Variants in TACC2 observed in about 807,000 individuals in gnomAD.
TACC2 encodes the protein transforming acidic coiled-coil containing protein 2.
TACC2 carries 137 observed loss-of-function variants against 227.3 expected under a neutral mutation model. The ratio of observed to expected loss-of-function variants is 0.60; its 90% CI spans 0.52 to 0.69. The LOEUF is 0.69. TACC2 is among the 30% of genes least tolerant of loss of function. TACC2 has a pLI of 0.00. For synonymous variants in TACC2, 1,523 were observed against 1,487.5 expected, an observed-to-expected ratio of 1.02 and a Z score of -0.55; for missense variants, 3,470 against 3,694.4, an observed-to-expected ratio of 0.94 and a Z score of 1.57.
intron 16 of TACC2, among the ~76,000 whole-genome samples, chr10:122,236,110 G>A (rs1442794725): frequency 3.9e-5 from 6 of 152,206 alleles, no homozygotes; most frequent in African/African-American, 1.2e-4. Flanking sequence ...CCCTTCTCGG[G>A]TTCATTTTCC....
chr10:122,042,692 G>C (rs76333529), intron 2 of TACC2, among the ~76,000 whole-genome samples: 2 of 152,158 alleles, frequency 1.3e-5, no homozygotes, highest in East Asian at 3.9e-4. Context: ...TTAACCTTCA[G>C]AACAACCCTG....
chr10:122,254,044 G>T lies in TACC2; in HGVS notation c.8835G>T (p.Met2945Ile). 6.2e-7 allele frequency: 1 copy of T among 1,614,138 alleles called. No homozygotes were observed. Among genetic ancestry groups the T allele is most frequent in the African/African-American group, 1.3e-5 (1 of 75,056 alleles). The change falls in exon 23 of 23, where the codon ATG becomes ATT. Residue 2945 changes from methionine (M) to isoleucine (I), a missense_variant. By Grantham distance (10) the Met-to-Ile change is conservative (BLOSUM62 1). Coordinates refer to ENST00000369005, the MANE Select transcript of TACC2 (RefSeq NM_206862.4). ...TKICDELIAK[M>I]GKS ...TTTGTGACGAACTGATTGCCAAAAT[G>T]GGGAAAAGCTAACTCTGAACCGAAT... is the stretch of plus-strand genomic sequence containing the variant.
At chr10:121,993,760 G>C (rs1259797404) in intron 1 of TACC2, among the ~76,000 whole-genome samples, 2 of 152,026 alleles carry the variant, frequency 1.3e-5, no homozygotes, top group Non-Finnish European at 2.9e-5. Flanking sequence ...CAAGTATGTG[G>C]GACTACAGGC....
At chr10:122,047,950 T>C (rs1426468536) in intron 2 of TACC2, among the ~76,000 whole-genome samples, 1 of 152,166 alleles carries the variant, frequency 6.6e-6, no homozygotes, top group Non-Finnish European at 1.5e-5. Context: ...ATGTTTTACC[T>C]TTGGACACAA....
Position 122,082,880 on chromosome 10 carries a change from C to G in TACC2, c.380C>G (p.Ala127Gly). The change falls in exon 4 of 23, where the codon GCG becomes GGG. Residue 127 changes from alanine (A) to glycine (G), a missense_variant. By Grantham distance (60) the Ala-to-Gly change is moderately conservative. Coordinates refer to ENST00000369005, the MANE Select transcript of TACC2 (RefSeq NM_206862.4). ...GAAGGTTGCTTGGCAAGTCCAGCAG[C>G]GGCACCTGAAGATGGTCCTCAGACT... is the stretch of plus-strand genomic sequence containing the variant. ...PPEGCLASPA[A>G]APEDGPQTQS... The G allele has an allele frequency of 6.2e-7, 1 of 1,613,356 alleles. No homozygotes were observed. Among genetic ancestry groups the G allele is most frequent in the South Asian group, 1.1e-5 (1 of 91,080 alleles).
chr10:122,209,008 G>A lies in TACC2; in HGVS notation c.5972-1389G>A, dbSNP rs1472518715. Among the ~76,000 whole-genome samples the A allele has an allele frequency of 6.6e-6, 1 of 152,208 alleles. No homozygotes were observed. Among genetic ancestry groups the A allele is most frequent in the East Asian group, 1.9e-4 (1 of 5,196 alleles). Reference sequence around the variant, plus strand: ...AGCCAAGCCAAAGCTGGGGCTGGCCGGATCCCCATGGGCAGTAGGGTGGTG... The same window carrying A: ...AGCCAAGCCAAAGCTGGGGCTGGCCAGATCCCCATGGGCAGTAGGGTGGTG... On this transcript the variant is annotated intron_variant, in intron 8 of 22. Coordinates refer to ENST00000369005, the MANE Select transcript of TACC2 (RefSeq NM_206862.4). The surrounding 1 kb of genome is among the most constrained non-coding windows in gnomAD (Gnocchi z 4.5).
rs186288597 is a variant in TACC2 at position 122,159,690 on chromosome 10, A to G, written c.5834+15984A>G. Among the ~76,000 whole-genome samples, 26 of 152,172 alleles carry G rather than the reference A, an allele frequency of 1.7e-4. No individual in the cohort carries two copies. The East Asian group carries it at 4.4e-3, about 26-fold the overall frequency. On this transcript the variant is annotated intron_variant, in intron 7 of 22. Coordinates refer to ENST00000369005, the MANE Select transcript of TACC2 (RefSeq NM_206862.4). ...GTCCAGCCTCCCTCTGCTCGCCACCATGGTATAGTGGGTGGTGGTGAAGAC... is the reference window on the plus strand; with the variant it reads ...GTCCAGCCTCCCTCTGCTCGCCACCGTGGTATAGTGGGTGGTGGTGAAGAC...
At chr10:122,213,974 G>T (rs1002801624) in intron 9 of TACC2, among the ~76,000 whole-genome samples, 1 of 152,136 alleles carries the variant, frequency 6.6e-6, no homozygotes, top group African/African-American at 2.4e-5. Flanking sequence ...GCTGGGTGTC[G>T]GCATGCCTTG....
intron 1 of TACC2, among the ~76,000 whole-genome samples, chr10:122,008,264 A>ATTATTATTATTATTATTATT: frequency 1.5e-5 from 2 of 134,654 alleles, no homozygotes; most frequent in African/African-American, 5.6e-5. Context: ...TATTATTATT[A>ATTATTATTATTATTATTATT]TTTTTTTTTT....
intron 8 of TACC2, among the ~76,000 whole-genome samples, chr10:122,200,247 G>T (rs2094738038): frequency 6.6e-6 from 1 of 152,222 alleles, no homozygotes; most frequent in African/African-American, 2.4e-5. Context: ...CGAGCCAGGG[G>T]TATATGGGTT....
At chr10:122,073,294 G>A (rs1318696059) in intron 3 of TACC2, among the ~76,000 whole-genome samples, 2 of 151,758 alleles carry the variant, frequency 1.3e-5, no homozygotes, top group Non-Finnish European at 2.9e-5. Context: ...GGAGCAGGGG[G>A]TCTCACCATG....
intron 2 of TACC2, among the ~76,000 whole-genome samples, chr10:122,039,727 AT>A (rs1266151178): frequency 2.0e-5 from 3 of 152,244 alleles, no homozygotes; most frequent in African/African-American, 7.2e-5. Context: ...GATTTATCTT[AT>A]TCAAGTAGTC....
chr10:122,043,457 T>G (rs370229729), intron 2 of TACC2, among the ~76,000 whole-genome samples: 1 of 69,778 alleles, frequency 1.4e-5, no homozygotes. Flanking sequence ...CTTTCTTTCT[T>G]TCTCTTTCTT....
chr10:122,079,551 A>C (rs2079208085), intron 3 of TACC2, among the ~76,000 whole-genome samples: 1 of 152,238 alleles, frequency 6.6e-6, no homozygotes, highest in South Asian at 2.1e-4. Context: ...GTGCAGGAAC[A>C]GGCATTAGAT....
At chr10:122,118,217 G>A (rs974829304) in intron 5 of TACC2, among the ~76,000 whole-genome samples, 1 of 152,112 alleles carries the variant, frequency 6.6e-6, no homozygotes, top group Non-Finnish European at 1.5e-5. Context: ...GTTTCACCAT[G>A]TTGGCTGGGC....
intron 9 of TACC2, among the ~76,000 whole-genome samples, chr10:122,211,965 G>A (rs2141039398): frequency 6.6e-6 from 1 of 152,294 alleles, no homozygotes; most frequent in East Asian, 1.9e-4. Context: ...CAATGGGCTG[G>A]AGCTTTACTT....
intron 16 of TACC2, among the ~76,000 whole-genome samples, chr10:122,232,542 A>G (rs1442262885): frequency 1.3e-5 from 2 of 152,248 alleles, no homozygotes; most frequent in Non-Finnish European, 2.9e-5. Context: ...AGCCCAAGCC[A>G]CCTCTTTTAT....
intron 11 of TACC2, among the ~76,000 whole-genome samples, chr10:122,222,872 T>C (rs924760216): frequency 6.6e-6 from 1 of 152,206 alleles, no homozygotes; most frequent in Non-Finnish European, 1.5e-5. Flanking sequence ...GAAATCGTAA[T>C]GATACCTTAG....
Position 122,249,797 on chromosome 10 carries a change from A to G in TACC2, c.8781+133A>G, listed in dbSNP as rs563357171. ...AGACGAATTCATGCTTCATGAGCAT[A>G]CCCTTGGTTCCTTCTAGAAGTTCCA... is the stretch of plus-strand genomic sequence containing the variant. On this transcript the variant is annotated intron_variant, in intron 22 of 22. Coordinates refer to ENST00000369005, the MANE Select transcript of TACC2 (RefSeq NM_206862.4). 2.6e-6 allele frequency: 3 copies of G among 1,134,956 alleles called. No individual in the cohort carries two copies. In the South Asian group the frequency reaches 5.2e-5, roughly 20 times the overall value. The allele number at this position is 1,134,956 out of a possible 1,614,324, so 70.3% of individuals were successfully genotyped here. A position where few individuals can be genotyped will look rare whatever the true frequency, so the allele number is the denominator to read the frequency against.
Sources: gnomAD v4.1 joint callset for allele counts (sites outside exome capture counted in the v4.1 genomes callset) on GRCh38, gnomAD v4.1.1 for gene constraint, Gnocchi (gnomAD v3.1) non-coding constraint, MANE v1.5 for transcripts, NCBI Gene and HGNC (gene_info 2026-07-23, HGNC 2026-07-21) for gene names.